The following PTPDC1 variants were observed in gnomAD, a reference collection of about 807,000 sequenced individuals.
PTPDC1 encodes protein tyrosine phosphatase domain containing 1, also known as protein tyrosine phosphatase domain-containing protein 1.
A neutral mutation model predicts 75.3 loss-of-function variants in PTPDC1; 53 were observed. The ratio of observed to expected loss-of-function variants is 0.70; its 90% confidence interval spans 0.56 to 0.88. The LOEUF is 0.88. Ranked by LOEUF, PTPDC1 falls within the 40% of genes least tolerant of loss-of-function variation. The pLI, the probability that PTPDC1 is intolerant of heterozygous loss-of-function variation, is 0.00. For missense variants in PTPDC1, 925 were observed against 998.6 expected, an observed-to-expected ratio of 0.93 and a Z score of 0.99; for synonymous variants, 349 against 366.2, an observed-to-expected ratio of 0.95 and a Z score of 0.54.
chr9:94,078,213 T>A (rs1240531577), intron 2 of PTPDC1, among the ~76,000 whole-genome samples: 1 of 152,226 alleles, frequency 6.6e-6, no homozygotes, highest in Non-Finnish European at 1.5e-5. Context: ...TAGCAACAAA[T>A]TCTCTGCTTT....
Position 94,097,355 on chromosome 9 carries a change from G to A in PTPDC1, c.789G>A (p.Thr263=), listed in dbSNP as rs137947987. The part of the protein sequence containing the change: ...VLIACYLVFA[T]RMTADQAIIF... The stretch of plus-strand genomic sequence containing the variant: ...TAGCCTGTTACTTAGTTTTTGCAAC[G>A]AGAATGACTGCTGACCAAGCAATTA... Residue 263 remains threonine (T), a synonymous_variant, in exon 6 of 9, where the codon ACG becomes ACA. Coordinates refer to ENST00000620992, the MANE Select transcript of PTPDC1 (RefSeq NM_001253829.2). 9.4e-5 allele frequency: 151 copies of A among 1,611,044 alleles called. No homozygotes were observed. In the African/African-American group the frequency reaches 1.7e-3, roughly 18 times the overall value.
chr9:94,094,662 A>G (rs58535188), intron 4 of PTPDC1, among the ~76,000 whole-genome samples: 18,206 of 151,616 alleles, frequency 0.12, 1,231 homozygotes, highest in East Asian at 0.25. Flanking sequence ...AATGGCGGGC[A>G]CCCCTCCCCC....
chr9:94,074,267 C>T (rs938728234), intron 2 of PTPDC1, among the ~76,000 whole-genome samples: 7 of 152,108 alleles, frequency 4.6e-5, no homozygotes, highest in Non-Finnish European at 1.0e-4. Flanking sequence ...TTGGGTGCTT[C>T]GAAACACTGC....
rs1390027697 is a variant in PTPDC1 at position 94,088,154 on chromosome 9, A to G, written c.507A>G (p.Ile169Met). The G allele has an allele frequency of 6.2e-7, 1 of 1,613,140 alleles. No individual in the cohort carries two copies. The highest frequency in any genetic ancestry group is 2.2e-5 in the East Asian group (1 of 44,886). The stretch of plus-strand genomic sequence containing the variant: ...CCCTTTTTCCTTTAAGCCATGGCAT[A>G]AAAACAATAATCAACCTCCAGCGCC... ...HIIDQFLSHG[I>M]KTIINLQRPG... Residue 169 changes from isoleucine to methionine, a missense_variant, in exon 4 of 9, where the codon ATA (isoleucine) becomes ATG (methionine). Physicochemically the swap from Ile to Met is conservative, Grantham distance 10 (BLOSUM62 1). Transcript: ENST00000620992.
Position 94,097,718 on chromosome 9 carries a change from G to A in PTPDC1, c.1152G>A (p.Met384Ile). 6.2e-7 allele frequency: 1 copy of A among 1,614,210 alleles called. No individual in the cohort carries two copies. Among genetic ancestry groups the A allele is most frequent in the Non-Finnish European group, 8.5e-7 (1 of 1,180,024 alleles). Residue 384 changes from methionine to isoleucine, a missense_variant, in exon 6 of 9, where the codon ATG becomes ATA. By Grantham distance (10) the Met-to-Ile change is conservative (BLOSUM62 1). Coordinates refer to ENST00000620992, the MANE Select transcript of PTPDC1 (RefSeq NM_001253829.2). ...AGACAATGTCTGAGATGGTCACCAT[G>A]CAGCTGGATAAAGAGTTACTGAGGC... ...IEKTMSEMVT[M>I]QLDKELLRHD...
chr9:94,082,410 C>T (rs186101015), upstream of PTPDC1, among the ~76,000 whole-genome samples: 14 of 152,350 alleles, frequency 9.2e-5, no homozygotes, highest in African/African-American at 3.4e-4. Flanking sequence ...TTCTAGATCT[C>T]ACTTTTCAGT....
chr9:94,062,100 C>T (rs373983737), intron 1 of PTPDC1, among the ~76,000 whole-genome samples: 2 of 152,174 alleles, frequency 1.3e-5, no homozygotes, highest in Non-Finnish European at 2.9e-5. Flanking sequence ...AGCCGGGTGA[C>T]TTCTTGAATG....
intron 2 of PTPDC1, among the ~76,000 whole-genome samples, chr9:94,071,293 G>T (rs58184281): frequency 0.052 from 7,932 of 151,566 alleles, 638 homozygotes; most frequent in African/African-American, 0.18. Context: ...GTGCTTATCT[G>T]CCATCTGCAT....
intron 1 of PTPDC1, among the ~76,000 whole-genome samples, chr9:94,054,483 G>T (rs1180071467): frequency 3.9e-5 from 6 of 152,060 alleles, no homozygotes; most frequent in Non-Finnish European, 7.4e-5. Flanking sequence ...AAATGTGTTG[G>T]GATTTTATAG....
rs550567830 is a variant in PTPDC1, at chr9:94,076,795, C to A, written c.83-8456C>A. Among the ~76,000 whole-genome samples the A allele has an allele frequency of 1.6e-4, 25 of 152,280 alleles. No individual in the cohort carries two copies. In the East Asian group the frequency reaches 4.2e-3, roughly 26 times the overall value. ...TGTTTGCTTCATTTTATTTACCCACCAGCAGTAGATAAGGGCTCTCATTTT... is the reference window on the plus strand; with the variant it reads ...TGTTTGCTTCATTTTATTTACCCACAAGCAGTAGATAAGGGCTCTCATTTT... On this transcript the variant is annotated intron_variant, in intron 2 of 9. Transcript: ENST00000375360.
At chr9:94,049,314 G>A (rs1275282341) in intron 1 of PTPDC1, among the ~76,000 whole-genome samples, 4 of 152,098 alleles carry the variant, frequency 2.6e-5, no homozygotes, top group Admixed American at 2.0e-4. Flanking sequence ...AGCCTTGATG[G>A]TCTTTACAAT....
intron 2 of PTPDC1, among the ~76,000 whole-genome samples, chr9:94,075,447 G>C (rs1826651798): frequency 6.6e-6 from 1 of 152,176 alleles, no homozygotes; most frequent in Admixed American, 6.5e-5. Context: ...TTTTTAACTG[G>C]AGTAGCGTGG....
At chr9:94,085,506 G>A (rs1827041716) in intron 2 of PTPDC1, 84 bp downstream of exon 2, 3 of 1,451,004 alleles carry the variant, frequency 2.1e-6, no homozygotes, top group East Asian at 2.3e-5. Flanking sequence ...AAGTGTGGGA[G>A]GAGCAGTGTG....
upstream of PTPDC1, among the ~76,000 whole-genome samples, chr9:94,084,097 A>C (rs1376117889): frequency 6.6e-6 from 1 of 152,196 alleles, no homozygotes; most frequent in Non-Finnish European, 1.5e-5. Flanking sequence ...AATTTTTTTC[A>C]AAATATCCAG....
At position 94,050,530 on chromosome 9, in the gene PTPDC1, T is replaced by C. The variant is rs118130061; in HGVS notation, c.-6-14204T>C. Among the ~76,000 whole-genome samples the C allele has an allele frequency of 6.2e-3, 951 of 152,304 alleles. 21 individuals carry two copies. The East Asian group carries it at 0.076, about 12-fold the overall frequency. ...AGCAGTGGAGGCTGCAGAACAGCGA[T>C]ATTGCTGAACAGCAAATGTTGCTGC... On this transcript the variant is annotated intron_variant, in intron 1 of 9. Coordinates refer to the PTPDC1 transcript ENST00000375360.
intron 1 of PTPDC1, among the ~76,000 whole-genome samples, chr9:94,053,859 A>G (rs1825856063): frequency 6.6e-6 from 1 of 152,238 alleles, no homozygotes; most frequent in Admixed American, 6.5e-5. Flanking sequence ...CCACATAATT[A>G]TATATGTTCT....
In PTPDC1 at chr9:94,089,144, A is replaced by G. The variant is rs1320924931; in HGVS notation, c.616+881A>G. Among the ~76,000 whole-genome samples, 6 of 147,360 alleles carry G rather than the reference A, an allele frequency of 4.1e-5. No homozygotes were observed. In the Admixed American group the frequency reaches 4.1e-4, roughly 10 times the overall value. ...TGCACATTGTGCAGGTTAGTTACATATGTATACATGTGCCATGCTGGTGCA... is the reference window on the plus strand; with the variant it reads ...TGCACATTGTGCAGGTTAGTTACATGTGTATACATGTGCCATGCTGGTGCA... On this transcript the variant is annotated intron_variant, in intron 4 of 8. Coordinates refer to ENST00000620992, the MANE Select transcript of PTPDC1 (RefSeq NM_001253829.2).
chr9:94,055,217 C>A (rs1483343243), intron 1 of PTPDC1, among the ~76,000 whole-genome samples: 2 of 152,192 alleles, frequency 1.3e-5, no homozygotes, highest in Non-Finnish European at 2.9e-5. Flanking sequence ...AGTTCTAGTG[C>A]TTAATAACTG....
upstream of PTPDC1, among the ~76,000 whole-genome samples, chr9:94,082,965 G>C (rs1375596883): frequency 1.3e-5 from 2 of 152,168 alleles, no homozygotes; most frequent in Non-Finnish European, 2.9e-5. Flanking sequence ...TTTCTCTGTA[G>C]ATGTCCTCAG....
Sources: allele counts gnomAD v4.1 joint callset (sites outside exome capture counted in the v4.1 genomes callset), GRCh38; gene constraint gnomAD v4.1.1; transcripts MANE v1.5; gene names NCBI Gene and HGNC (gene_info 2026-07-23, HGNC 2026-07-21).